LEMD1: variants seen among roughly 807,000 people sequenced by gnomAD.
LEMD1 encodes LEM domain-containing protein 1.
Under a neutral mutation model 17.4 loss-of-function variants are expected in LEMD1, and 18 were observed. That is an observed-to-expected ratio of 1.04 (90% CI 0.72 to 1.54). The LOEUF (loss-of-function observed/expected upper bound fraction) is 1.54. Ranked by LOEUF, LEMD1 falls within the 40% of genes most tolerant of loss-of-function variation. LEMD1 has a pLI of 0.00. For synonymous variants in LEMD1, 88 were observed against 77.8 expected, an observed-to-expected ratio of 1.13 and a Z score of -0.69; for missense variants, 195 against 210.4, an observed-to-expected ratio of 0.93 and a Z score of 0.45.
At chr1:205,428,576 G>A (rs1458120419) in intron 1 of LEMD1, among the ~76,000 whole-genome samples, 2 of 152,162 alleles carry the variant, frequency 1.3e-5, no homozygotes, top group Admixed American at 6.5e-5. Context: ...CTTTCAGAAT[G>A]TGATAATGAG....
chr1:205,381,537 G>GTGCAAGGGAAGGCTCCC lies in LEMD1; in HGVS notation c.*104_*120dup. On this transcript the variant is annotated 3_prime_UTR_variant, in exon 6 of 6. Transcript: ENST00000367153. ...GACACCGATCTGTGAGAGCAGCACAGTGCAAGGGAAGGCTCCCTGCAAGGG... is the reference window on the plus strand; with the variant it reads ...GACACCGATCTGTGAGAGCAGCACAGTGCAAGGGAAGGCTCCCTGCAAGGGAAGGCTCCCTGCAAGGG... The GTGCAAGGGAAGGCTCCC allele has an allele frequency of 2.1e-6, 2 of 943,626 alleles. No individual in the cohort carries two copies. The highest frequency in any genetic ancestry group is 4.8e-5 in the East Asian group (2 of 41,720). 58.5% of individuals were successfully genotyped at this position (943,626 alleles called of 1,614,324 possible).
At chr1:205,394,781 G>A (rs573080791) in intron 4 of LEMD1, among the ~76,000 whole-genome samples, 147 of 151,862 alleles carry the variant, frequency 9.7e-4, no homozygotes, top group Middle Eastern at 3.4e-3. Flanking sequence ...GAGGTCAGGA[G>A]TTTGAGACCA....
intron 4 of LEMD1, among the ~76,000 whole-genome samples, chr1:205,400,448 G>A (rs1019911830): frequency 1.3e-5 from 2 of 152,212 alleles, no homozygotes; most frequent in Non-Finnish European, 2.9e-5. Flanking sequence ...CCACGGCGAT[G>A]TAATGAGAAG....
intron 3 of LEMD1, among the ~76,000 whole-genome samples, chr1:205,416,672 C>T (rs1416297937): frequency 6.6e-6 from 1 of 152,154 alleles, no homozygotes; most frequent in Non-Finnish European, 1.5e-5. Context: ...TCCAAAAAGG[C>T]ACCCAGGGAA....
chr1:205,395,706 A>G (rs909939940), intron 4 of LEMD1, among the ~76,000 whole-genome samples: 1 of 152,156 alleles, frequency 6.6e-6, no homozygotes, highest in African/African-American at 2.4e-5. Flanking sequence ...AAGACAAACC[A>G]AAACTACTGG....
intron 1 of LEMD1, among the ~76,000 whole-genome samples, chr1:205,421,702 T>C (rs1665966834): frequency 6.6e-6 from 1 of 152,194 alleles, no homozygotes; most frequent in African/African-American, 2.4e-5. Context: ...GGAAACTGAC[T>C]TAACACTTTG....
intron 4 of LEMD1, among the ~76,000 whole-genome samples, chr1:205,409,706 T>A (rs1408830009): frequency 2.6e-5 from 4 of 151,306 alleles, no homozygotes; most frequent in African/African-American, 9.7e-5. Context: ...GCTCAAGCAA[T>A]CCTCCTGCCT....
chr1:205,434,474 C>T (rs190344204), intron 1 of LEMD1, among the ~76,000 whole-genome samples: 9 of 152,032 alleles, frequency 5.9e-5, no homozygotes, highest in Middle Eastern at 3.4e-3. Flanking sequence ...TGAACCACTG[C>T]GCCTGGCTCT....
Position 205,417,374 on chromosome 1 carries a change from G to A in LEMD1, c.206-1078C>T, listed in dbSNP as rs184501131. On this transcript the variant is annotated intron_variant, in intron 3 of 5. Transcript: ENST00000367153. ...GCTACATGCTGGGACCCAGGACGGC[G>A]GGGACTGAGACCACAACAGCTTGGT... Among the ~76,000 whole-genome samples, 361 of 152,290 alleles carry A rather than the reference G, an allele frequency of 2.4e-3. 5 individuals carry two copies. Among genetic ancestry groups the A allele is most frequent in the Admixed American group, 0.023 (353 of 15,300 alleles).
chr1:205,397,037 A>T (rs1225545409), intron 4 of LEMD1, among the ~76,000 whole-genome samples: 1 of 152,134 alleles, frequency 6.6e-6, no homozygotes, highest in African/African-American at 2.4e-5. Context: ...GCCCATTTCT[A>T]ACTGTGCTGA....
chr1:205,399,544 A>G (rs1418293016), intron 4 of LEMD1, among the ~76,000 whole-genome samples: 3 of 152,244 alleles, frequency 2.0e-5, no homozygotes, highest in African/African-American at 4.8e-5. Flanking sequence ...ACACCTTGTG[A>G]AACACCAAAC....
chr1:205,394,629 C>G (rs1372975134), intron 4 of LEMD1, among the ~76,000 whole-genome samples: 1 of 152,148 alleles, frequency 6.6e-6, no homozygotes, highest in Non-Finnish European at 1.5e-5. Flanking sequence ...AGGTGATCCA[C>G]CCGCCTTGGC....
At chr1:205,399,060 C>A (rs1048297886) in intron 4 of LEMD1, among the ~76,000 whole-genome samples, 4 of 151,924 alleles carry the variant, frequency 2.6e-5, no homozygotes, top group Non-Finnish European at 5.9e-5. Context: ...ACTAAAAATA[C>A]AAAAATTAGC....
chr1:205,398,863 G>C (rs868290295), intron 4 of LEMD1, among the ~76,000 whole-genome samples: 2 of 152,134 alleles, frequency 1.3e-5, no homozygotes, highest in Admixed American at 6.5e-5. Flanking sequence ...ACATAGTTAC[G>C]GGTGATACAG....
At chr1:205,402,815 C>T (rs2102389600) in intron 4 of LEMD1, among the ~76,000 whole-genome samples, 1 of 151,418 alleles carries the variant, frequency 6.6e-6, no homozygotes, top group East Asian at 1.9e-4. Flanking sequence ...TTTGCCCATT[C>T]AGTATGATAT....
At chr1:205,382,987 T>A (rs1307110637) in intron 5 of LEMD1, among the ~76,000 whole-genome samples, 2 of 152,228 alleles carry the variant, frequency 1.3e-5, no homozygotes, top group South Asian at 4.1e-4. Flanking sequence ...CTAATACAAT[T>A]GCCTGTCTTG....
At chr1:205,427,049 G>A (rs540152021), upstream of LEMD1, among the ~76,000 whole-genome samples, 47 of 152,094 alleles carry the variant, frequency 3.1e-4, no homozygotes, top group Non-Finnish European at 6.3e-4. Context: ...GAGTGGTTAG[G>A]AGAACAGGCT....
At chr1:205,405,897 C>G (rs9661128) in intron 4 of LEMD1, among the ~76,000 whole-genome samples, 45,747 of 150,852 alleles carry the variant, frequency 0.3, 7,118 homozygotes, top group African/African-American at 0.37. Context: ...GATGTCCTTT[C>G]TGTTTGTTAG....
rs903046146 is a variant in LEMD1 at position 205,409,427 on chromosome 1, A to G, written c.270+6805T>C. ...CTTATTTGTACTTGCCTCTTATTAC[A>G]TATACATATACTACCCTGCTTTGCA... On this transcript the variant is annotated intron_variant, in intron 4 of 5. Coordinates refer to ENST00000367153, the MANE Select transcript of LEMD1 (RefSeq NM_001199050.2). Among the ~76,000 whole-genome samples the G allele has an allele frequency of 5.3e-5, 8 of 152,278 alleles. No homozygotes were observed. The South Asian group carries it at 6.2e-4, about 12-fold the overall frequency.
Sources: allele counts gnomAD v4.1 joint callset (sites outside exome capture counted in the v4.1 genomes callset), GRCh38; gene constraint gnomAD v4.1.1; transcripts MANE v1.5; gene names NCBI Gene and HGNC (gene_info 2026-07-23, HGNC 2026-07-21).